Variants in NLRP8 observed in about 807,000 individuals in gnomAD.
NLRP8 encodes NLR family pyrin domain containing 8.
Under a neutral mutation model 88.7 loss-of-function variants are expected in NLRP8, and 86 were observed. The observed-to-expected ratio is 0.97, with a 90% CI of 0.81 to 1.16. The LOEUF (loss-of-function observed/expected upper bound fraction) is 1.16, where lower values mean the gene tolerates loss of function less well. NLRP8 is among the 50% of genes most tolerant of loss of function. The probability of loss-of-function intolerance (pLI) is 0.00; values close to 1 mark genes in which losing one functional copy is unlikely to be tolerated. For missense variants in NLRP8, 1,342 were observed against 1,286.5 expected (o/e 1.04, Z -0.66); for synonymous variants, 504 against 494.6 (o/e 1.02, Z -0.25).
intron 1 of NLRP8, among the ~76,000 whole-genome samples, chr19:55,949,805 C>T (rs146742284): frequency 4.4e-4 from 67 of 152,276 alleles, no homozygotes; most frequent in Admixed American, 1.8e-3. Context: ...GGGTGCCTTA[C>T]GTCTCCTTAG....
chr19:55,964,505 G>C (rs187019990), intron 4 of NLRP8, among the ~76,000 whole-genome samples: 1 of 152,116 alleles, frequency 6.6e-6, no homozygotes, highest in African/African-American at 2.4e-5. Context: ...TAATCCCAGC[G>C]CTTTGGGAAG....
chr19:55,972,803 G>A (rs572694406), intron 6 of NLRP8, among the ~76,000 whole-genome samples: 6 of 70,374 alleles, frequency 8.5e-5, no homozygotes, highest in South Asian at 4.8e-4. Flanking sequence ...GTGTGTGTGT[G>A]TGTGTATGTG....
At chr19:55,986,045 C>A (rs1466057031) in intron 9 of NLRP8, among the ~76,000 whole-genome samples, 3 of 151,948 alleles carry the variant, frequency 2.0e-5, no homozygotes, top group African/African-American at 7.3e-5. Context: ...AAAGTATAAA[C>A]TTCTGTTTCA....
intron 1 of NLRP8, among the ~76,000 whole-genome samples, chr19:55,952,331 A>G (rs74446689): frequency 0.057 from 8,689 of 152,238 alleles, 266 homozygotes; most frequent in South Asian, 0.076. Flanking sequence ...AATGCATTGT[A>G]GAACAACACC....
At chr19:55,952,889 T>A (rs1389965724) in intron 2 of NLRP8, among the ~76,000 whole-genome samples, 1 of 152,026 alleles carries the variant, frequency 6.6e-6, no homozygotes, top group Non-Finnish European at 1.5e-5. Flanking sequence ...ATCACGCCAC[T>A]GCACTCTTGG....
chr19:55,955,694 AGAG>A lies in NLRP8; in HGVS notation c.1639_1641del (p.Gly547del), dbSNP rs1979320173. Reference sequence around the variant, plus strand: ...TATCCAGCGCCTGATAGCGAGTCCCAGAGGAAGCAAAAGCTATCTCTCTCACAT... The same window carrying A: ...TATCCAGCGCCTGATAGCGAGTCCCAGAAGCAAAAGCTATCTCTCTCACAT... On this transcript the variant is annotated inframe_deletion, in exon 3 of 10. Transcript: ENST00000291971. The A allele has an allele frequency of 1.2e-6, 2 of 1,613,980 alleles. No individual in the cohort carries two copies. The highest frequency in any genetic ancestry group is 1.7e-6 in the Non-Finnish European group (2 of 1,179,942).
At chr19:55,965,858 A>G (rs946326588) in intron 4 of NLRP8, among the ~76,000 whole-genome samples, 6 of 118,300 alleles carry the variant, frequency 5.1e-5, no homozygotes, top group Non-Finnish European at 9.6e-5. Context: ...CCCTGTGTCC[A>G]TGTGTTCTCA....
chr19:55,961,029 A>C (rs570496457), intron 3 of NLRP8, among the ~76,000 whole-genome samples: 2 of 150,908 alleles, frequency 1.3e-5, no homozygotes, highest in South Asian at 2.1e-4. Context: ...CAGCCTCCCA[A>C]GTAGCTGGGA....
chr19:55,984,779 G>A (rs527874174), intron 9 of NLRP8, among the ~76,000 whole-genome samples: 1 of 151,320 alleles, frequency 6.6e-6, no homozygotes, highest in Non-Finnish European at 1.5e-5. Context: ...CGAGGCTGCA[G>A]TAAGCCGTGC....
chr19:55,973,991 C>A (rs1213643966), intron 7 of NLRP8, among the ~76,000 whole-genome samples, 169 bp downstream of exon 7: 1 of 152,172 alleles, frequency 6.6e-6, no homozygotes, highest in African/African-American at 2.4e-5. Flanking sequence ...GTTATTATTT[C>A]TGATTCAGGG....
At position 55,979,472 on chromosome 19, in the gene NLRP8, T is replaced by C; in HGVS notation, c.2955T>C (p.His985=). ...TCCGCAAAAACCAACATCTGAGACATCTGGACTTGAGCAAGAATGCGATTG... is the reference window on the plus strand; with the variant it reads ...TCCGCAAAAACCAACATCTGAGACACCTGGACTTGAGCAAGAATGCGATTG... Residue 985 remains histidine (H), a synonymous_variant, in exon 9 of 10, where the codon CAT becomes CAC. Coordinates refer to ENST00000291971, the MANE Select transcript of NLRP8 (RefSeq NM_176811.2). 5 of 1,614,232 alleles carry C rather than the reference T, an allele frequency of 3.1e-6. No homozygotes were observed. The highest frequency in any genetic ancestry group is 4.2e-6 in the Non-Finnish European group (5 of 1,180,034).
chr19:55,986,889 C>A (rs879224644), intron 9 of NLRP8, among the ~76,000 whole-genome samples: 1 of 152,142 alleles, frequency 6.6e-6, no homozygotes, highest in African/African-American at 2.4e-5. Flanking sequence ...TTAGAACCCG[C>A]GTATTGAGCT....
rs930871654 is a variant in NLRP8, at chr19:55,948,135, C to A, written c.233C>A (p.Thr78Lys). The stretch of plus-strand genomic sequence containing the variant: ...CCCATCACCTGGGACCAGGTCGAGA[C>A]AGCCAGCTGGGCAGAGGTGGTTCAT... Residue 78 changes from threonine to lysine, a missense_variant, in exon 1 of 10, where the codon ACA becomes AAA. Coordinates refer to ENST00000291971, the MANE Select transcript of NLRP8 (RefSeq NM_176811.2). The A allele has an allele frequency of 1.2e-6, 2 of 1,614,078 alleles. No individual in the cohort carries two copies. Among genetic ancestry groups the A allele is most frequent in the South Asian group, 1.1e-5 (1 of 91,086 alleles).
At chr19:55,978,476 G>C (rs1980441295) in intron 8 of NLRP8, among the ~76,000 whole-genome samples, 1 of 151,998 alleles carries the variant, frequency 6.6e-6, no homozygotes, top group South Asian at 2.1e-4. Flanking sequence ...GAGAGCCTTA[G>C]TGCTGGGGGG....
At chr19:55,986,311 GTCTC>G (rs199644371) in intron 9 of NLRP8, among the ~76,000 whole-genome samples, 2 of 144,526 alleles carry the variant, frequency 1.4e-5, no homozygotes, top group Non-Finnish European at 3.0e-5. Flanking sequence ...ATCATACACA[GTCTC>G]TCACACACAC....
At chr19:55,960,178 G>C (rs1979547629) in intron 3 of NLRP8, among the ~76,000 whole-genome samples, 1 of 152,094 alleles carries the variant, frequency 6.6e-6, no homozygotes, top group African/African-American at 2.4e-5. Context: ...GAGGGCACTG[G>C]CTCTGTCAGC....
rs1979261049 is a variant in NLRP8 at position 55,954,855 on chromosome 19, G to C, written c.797G>C (p.Gly266Ala). The change falls in exon 3 of 10, where the codon GGA becomes GCA. Residue 266 changes from glycine to alanine, a missense_variant. Coordinates refer to ENST00000291971, the MANE Select transcript of NLRP8 (RefSeq NM_176811.2). ...GAGCTGATTGAGCAAAAGTGGCCTG[G>C]ATCTCAGGACCTCGTGTCAAAGATT... 1 of 1,614,180 alleles carries C rather than the reference G, an allele frequency of 6.2e-7. No individual in the cohort carries two copies.
chr19:55,953,347 A>G (rs1268270879), intron 2 of NLRP8, among the ~76,000 whole-genome samples: 3 of 152,118 alleles, frequency 2.0e-5, no homozygotes, highest in African/African-American at 4.8e-5. Context: ...ACATATTATA[A>G]TGTAATAATA....
intron 9 of NLRP8, among the ~76,000 whole-genome samples, chr19:55,984,348 A>G (rs750834826): frequency 6.6e-6 from 1 of 152,172 alleles, no homozygotes; most frequent in Non-Finnish European, 1.5e-5. Context: ...AATAATCTCA[A>G]ATAGGAATAA....
Sources: allele counts gnomAD v4.1 joint callset (sites outside exome capture counted in the v4.1 genomes callset), GRCh38; gene constraint gnomAD v4.1.1; transcripts MANE v1.5; gene names NCBI Gene and HGNC (gene_info 2026-07-23, HGNC 2026-07-21).